Variants in LCLAT1 observed in about 807,000 individuals in gnomAD.
The protein encoded by LCLAT1 is 1-AGP acyltransferase 8.
Under a neutral mutation model 30.7 loss-of-function variants are expected in LCLAT1, and 11 were observed. That is an observed-to-expected ratio of 0.36 (90% CI 0.23 to 0.59). LCLAT1 has a LOEUF of 0.59. LCLAT1 is among the 20% of genes least tolerant of loss of function. The pLI, the probability that LCLAT1 is intolerant of heterozygous loss-of-function variation, is 0.77. For synonymous variants in LCLAT1, 155 were observed against 151.3 expected (o/e 1.02, Z -0.18); for missense variants, 402 against 458.6 (o/e 0.88, Z 1.13).
intron 1 of LCLAT1, among the ~76,000 whole-genome samples, chr2:30,464,500 G>A (rs952828149): frequency 2.6e-5 from 4 of 152,100 alleles, no homozygotes; most frequent in African/African-American, 7.2e-5. Flanking sequence ...GTATGTTGGG[G>A]CAATAAGAAA....
At chr2:30,464,834 T>G (rs983232190) in intron 1 of LCLAT1, among the ~76,000 whole-genome samples, 8 of 152,202 alleles carry the variant, frequency 5.3e-5, no homozygotes, top group Admixed American at 4.6e-4. Context: ...CGAAAAGGCT[T>G]GGCCTATTAG....
chr2:30,511,500 A>G (rs979922513), intron 1 of LCLAT1, among the ~76,000 whole-genome samples: 2 of 152,222 alleles, frequency 1.3e-5, no homozygotes, highest in African/African-American at 2.4e-5. Flanking sequence ...CAGATGCTCA[A>G]TAGCTACATG....
At chr2:30,609,674 T>A (rs138683575) in intron 5 of LCLAT1, among the ~76,000 whole-genome samples, 1 of 152,168 alleles carries the variant, frequency 6.6e-6, no homozygotes. Flanking sequence ...CATAACTGTT[T>A]AGGCATTTCA....
chr2:30,593,509 C>T (rs954723048), intron 5 of LCLAT1, among the ~76,000 whole-genome samples: 2 of 152,070 alleles, frequency 1.3e-5, no homozygotes, highest in African/African-American at 4.8e-5. Flanking sequence ...GTTCTTTTTG[C>T]TTAGGATTGC....
chr2:30,530,108 CAG>C (rs1479556106), intron 2 of LCLAT1, among the ~76,000 whole-genome samples: 2 of 152,112 alleles, frequency 1.3e-5, no homozygotes, highest in Non-Finnish European at 2.9e-5. Context: ...AAATAATACA[CAG>C]AGAAATCTTT....
chr2:30,558,646 G>A (rs1400651760), intron 3 of LCLAT1, among the ~76,000 whole-genome samples: 1 of 148,188 alleles, frequency 6.7e-6, no homozygotes, highest in Non-Finnish European at 1.5e-5. Context: ...TATAGGAAAT[G>A]TGAATCACAA....
At chr2:30,581,238 C>T (rs1666202369) in intron 5 of LCLAT1, among the ~76,000 whole-genome samples, 2 of 152,120 alleles carry the variant, frequency 1.3e-5, no homozygotes, top group Admixed American at 6.5e-5. Flanking sequence ...CACAGTGGCC[C>T]ACTCCTTCCC....
At chr2:30,604,532 A>T (rs1462493391) in intron 5 of LCLAT1, among the ~76,000 whole-genome samples, 2 of 151,952 alleles carry the variant, frequency 1.3e-5, no homozygotes, top group African/African-American at 4.8e-5. Flanking sequence ...ATTTCATAGG[A>T]CTTTCAGGTG....
intron 5 of LCLAT1, among the ~76,000 whole-genome samples, chr2:30,621,194 A>G (rs996801419): frequency 6.6e-6 from 1 of 152,168 alleles, no homozygotes; most frequent in African/African-American, 2.4e-5. Context: ...CTACTCATCC[A>G]GATGTTGACT....
intron 3 of LCLAT1, among the ~76,000 whole-genome samples, chr2:30,560,237 A>G (rs931498523): frequency 6.6e-6 from 1 of 152,062 alleles, no homozygotes; most frequent in Non-Finnish European, 1.5e-5. Flanking sequence ...TTATATATGT[A>G]AAATACAGTA....
At chr2:30,624,021 A>G (rs932451430) in intron 5 of LCLAT1, among the ~76,000 whole-genome samples, 1 of 152,220 alleles carries the variant, frequency 6.6e-6, no homozygotes, top group African/African-American at 2.4e-5. Context: ...TAAGAGCTTC[A>G]TAACTGAAGG....
chr2:30,465,501 A>G (rs1682373766), intron 1 of LCLAT1, among the ~76,000 whole-genome samples: 1 of 152,224 alleles, frequency 6.6e-6, no homozygotes, highest in Non-Finnish European at 1.5e-5. Context: ...ATAGGAAACT[A>G]CTGTACACCC....
At chr2:30,639,956 C>T (rs573167962) in intron 5 of LCLAT1, among the ~76,000 whole-genome samples, 161 bp from the exon 6 acceptor site, 1 of 150,708 alleles carries the variant, frequency 6.6e-6, no homozygotes, top group Admixed American at 6.7e-5. Context: ...TAAATATTGA[C>T]CCAGGTGTCC....
At chr2:30,508,096 G>T (rs909650257) in intron 1 of LCLAT1, among the ~76,000 whole-genome samples, 1 of 152,112 alleles carries the variant, frequency 6.6e-6, no homozygotes, top group African/African-American at 2.4e-5. Context: ...GTCTTCTTTT[G>T]AAAAGTGTCT....
At chr2:30,600,383 A>C (rs1334786947) in intron 5 of LCLAT1, among the ~76,000 whole-genome samples, 1 of 152,172 alleles carries the variant, frequency 6.6e-6, no homozygotes, top group African/African-American at 2.4e-5. Flanking sequence ...TAAGAGGGAA[A>C]TTTATAGCAC....
At chr2:30,562,459 C>T (rs1329590180) in intron 4 of LCLAT1, among the ~76,000 whole-genome samples, 167 bp downstream of exon 4, 1 of 152,082 alleles carries the variant, frequency 6.6e-6, no homozygotes, top group African/African-American at 2.4e-5. Context: ...TGGATTGAGT[C>T]CAGAAGTTTG....
intron 1 of LCLAT1, among the ~76,000 whole-genome samples, chr2:30,462,440 T>C (rs1682200883): frequency 6.6e-6 from 1 of 152,190 alleles, no homozygotes; most frequent in South Asian, 2.1e-4. Context: ...AGGTGTATCT[T>C]GAGCTTAGCA....
At chr2:30,615,659 C>T (rs1452310795) in intron 5 of LCLAT1, among the ~76,000 whole-genome samples, 3 of 151,986 alleles carry the variant, frequency 2.0e-5, no homozygotes, top group Non-Finnish European at 4.4e-5. Context: ...AGAAAAGAGA[C>T]ACCACATATC....
intron 5 of LCLAT1, among the ~76,000 whole-genome samples, chr2:30,637,313 G>GA (rs1669081757): frequency 6.7e-6 from 1 of 149,648 alleles, no homozygotes; most frequent in Admixed American, 6.8e-5. Flanking sequence ...TAATAGAGAT[G>GA]AAAGATTGCT....
Sources: allele counts gnomAD v4.1 joint callset (sites outside exome capture counted in the v4.1 genomes callset), GRCh38; gene constraint gnomAD v4.1.1; transcripts MANE v1.5; gene names NCBI Gene and HGNC (gene_info 2026-07-23, HGNC 2026-07-21).